The following STT3B variants were observed in gnomAD, a reference collection of about 807,000 sequenced individuals.
STT3B encodes STT3 oligosaccharyltransferase complex catalytic subunit B.
In STT3B, 29 loss-of-function variants were observed where a neutral mutation model predicts 96.8. That is an observed-to-expected ratio of 0.30 (90% CI 0.22 to 0.41). The LOEUF is 0.41. Ranked by LOEUF, STT3B falls within the 10% of genes least tolerant of loss-of-function variation. The probability of loss-of-function intolerance (pLI) is 1.00; values close to 1 mark genes in which losing one functional copy is unlikely to be tolerated. For missense variants in STT3B, 640 were observed against 1,022.3 expected (o/e 0.63, Z 5.10); for synonymous variants, 367 against 360.0 (o/e 1.02, Z -0.22).
At chr3:31,621,068 T>A (rs1245928871) in intron 9 of STT3B, among the ~76,000 whole-genome samples, 2 of 152,214 alleles carry the variant, frequency 1.3e-5, no homozygotes, top group Non-Finnish European at 2.9e-5. Flanking sequence ...AGTAATTTTA[T>A]CTACAGTAAC....
chr3:31,627,200 T>A (rs1575448203), intron 13 of STT3B, among the ~76,000 whole-genome samples: 1 of 152,126 alleles, frequency 6.6e-6, no homozygotes, highest in Non-Finnish European at 1.5e-5. Context: ...AAGGGGCAGG[T>A]GAGCGATCAT....
At chr3:31,629,643 C>G (rs1437759465) in intron 14 of STT3B, among the ~76,000 whole-genome samples, 1 of 152,150 alleles carries the variant, frequency 6.6e-6, no homozygotes, top group Non-Finnish European at 1.5e-5. Flanking sequence ...ACAGTAGCCT[C>G]AAATCCAATC....
rs774445614 is a variant in STT3B at position 31,628,968 on chromosome 3, T to G, written c.2074-330T>G. On this transcript the variant is annotated intron_variant, in intron 13 of 15. Coordinates refer to ENST00000295770, the MANE Select transcript of STT3B (RefSeq NM_178862.3). ...AAAAAATGCAAAAATTATTTGGGCG[T>G]GGTGCCGTGGGCCTGTAGTCCCAGC... Among the ~76,000 whole-genome samples, 27 of 152,116 alleles carry G rather than the reference T, an allele frequency of 1.8e-4. 1 individual carries two copies. Among genetic ancestry groups the G allele is most frequent in the Admixed American group, 6.5e-5 (1 of 15,280 alleles).
intron 1 of STT3B, among the ~76,000 whole-genome samples, chr3:31,563,094 CT>C (rs1326337895): frequency 3.9e-5 from 6 of 152,132 alleles, no homozygotes; most frequent in Non-Finnish European, 8.8e-5. Context: ...GCCGAACAGG[CT>C]TGTTTCCCTC....
At chr3:31,548,642 G>A (rs1452565083) in intron 1 of STT3B, among the ~76,000 whole-genome samples, 1 of 152,144 alleles carries the variant, frequency 6.6e-6, no homozygotes, top group Non-Finnish European at 1.5e-5. Context: ...AAAGGTAGGA[G>A]AAAACTGATT....
At chr3:31,629,141 C>G (rs559800383) in intron 13 of STT3B, 157 bp from the exon 14 acceptor site, 2 of 586,954 alleles carry the variant, frequency 3.4e-6, no homozygotes, top group African/African-American at 3.9e-5. Flanking sequence ...TAACATGGTT[C>G]GAAGTCTGGT....
intron 5 of STT3B, among the ~76,000 whole-genome samples, chr3:31,608,203 A>G (rs1196151858): frequency 6.6e-6 from 1 of 152,170 alleles, no homozygotes; most frequent in Non-Finnish European, 1.5e-5. Flanking sequence ...TACAATAACT[A>G]CACTCCTCCG....
rs75660900 is a variant in STT3B at position 31,602,229 on chromosome 3, G to A, written c.877+1770G>A. On this transcript the variant is annotated intron_variant, in intron 5 of 15. Transcript: ENST00000295770. ...GTACTGTTGAAATACATACACCTATGTATTTCTCTACCCCAAAAACACTAT... is the reference window on the plus strand; with the variant it reads ...GTACTGTTGAAATACATACACCTATATATTTCTCTACCCCAAAAACACTAT... 0.019 allele frequency among the ~76,000 whole-genome samples: 2,886 copies of A among 152,092 alleles called. 293 individuals carry two copies. The East Asian group carries it at 0.32, about 17-fold the overall frequency.
chr3:31,564,541 A>G (rs1019658231), intron 1 of STT3B, among the ~76,000 whole-genome samples: 1 of 152,204 alleles, frequency 6.6e-6, no homozygotes, highest in Non-Finnish European at 1.5e-5. Context: ...ATAAAGATCA[A>G]ATTATTAATA....
intron 1 of STT3B, among the ~76,000 whole-genome samples, chr3:31,568,844 A>T (rs953670447): frequency 6.6e-6 from 1 of 152,224 alleles, no homozygotes; most frequent in Non-Finnish European, 1.5e-5. Context: ...ATGCAAAGGC[A>T]GCTCCTTGTG....
chr3:31,608,291 G>A (rs1265494810), intron 5 of STT3B, among the ~76,000 whole-genome samples: 1 of 152,208 alleles, frequency 6.6e-6, no homozygotes, highest in African/African-American at 2.4e-5. Context: ...TTCAAGATGA[G>A]TGTTGTAACA....
rs199938328 is a variant in STT3B, at chr3:31,602,303, CT to C, written c.877+1855del. Among the ~76,000 whole-genome samples, 73 of 147,308 alleles carry C rather than the reference CT, an allele frequency of 5.0e-4. 2 individuals carry two copies. Among genetic ancestry groups the C allele is most frequent in the African/African-American group, 1.0e-3 (42 of 40,184 alleles). On this transcript the variant is annotated intron_variant, in intron 5 of 15. Coordinates refer to ENST00000295770, the MANE Select transcript of STT3B (RefSeq NM_178862.3). ...GGAGAATAATAAATAACAGATTAAA[CT>C]TTTTTTTTTTAAGTTAAATGGTTAC...
intron 10 of STT3B, among the ~76,000 whole-genome samples, chr3:31,623,421 A>G (rs1406302148): frequency 2.6e-5 from 4 of 152,184 alleles, no homozygotes; most frequent in African/African-American, 9.7e-5. Context: ...CTGGGTTTGA[A>G]AGCAGCTTCT....
chr3:31,612,083 T>TG (rs1465203515), intron 5 of STT3B, among the ~76,000 whole-genome samples: 3 of 152,216 alleles, frequency 2.0e-5, no homozygotes, highest in Non-Finnish European at 2.9e-5. Flanking sequence ...AGCACCAATA[T>TG]GATTCTCAAA....
chr3:31,611,227 A>T (rs1268767254), intron 5 of STT3B, among the ~76,000 whole-genome samples: 1 of 152,148 alleles, frequency 6.6e-6, no homozygotes, highest in East Asian at 1.9e-4. Context: ...AAGAGATCTT[A>T]AGTTTTATAG....
intron 1 of STT3B, among the ~76,000 whole-genome samples, chr3:31,562,996 C>A (rs1469548908): frequency 6.6e-6 from 1 of 152,110 alleles, no homozygotes; most frequent in Non-Finnish European, 1.5e-5. Context: ...TTTAGGAGTC[C>A]TAGTGGTTCC....
At chr3:31,563,849 G>A (rs920766346) in intron 1 of STT3B, among the ~76,000 whole-genome samples, 6 of 152,088 alleles carry the variant, frequency 3.9e-5, no homozygotes, top group African/African-American at 1.4e-4. Flanking sequence ...CTGTCACCCA[G>A]GCTGGAGTGT....
intron 1 of STT3B, among the ~76,000 whole-genome samples, chr3:31,554,021 G>C (rs1227311342): frequency 6.6e-6 from 1 of 152,156 alleles, no homozygotes; most frequent in Admixed American, 6.5e-5. Flanking sequence ...CTTACATTCA[G>C]TGTTTTTCTT....
intron 1 of STT3B, among the ~76,000 whole-genome samples, chr3:31,550,773 G>GT (rs552207326): frequency 2.9e-3 from 446 of 151,560 alleles, no homozygotes; most frequent in African/African-American, 9.5e-3. Flanking sequence ...AATTTAGGCT[G>GT]TTTTTTTCGT....
Sources: allele counts gnomAD v4.1 joint callset (sites outside exome capture counted in the v4.1 genomes callset), GRCh38; gene constraint gnomAD v4.1.1; transcripts MANE v1.5; gene names NCBI Gene and HGNC (gene_info 2026-07-23, HGNC 2026-07-21).